VPS13C: variants seen among roughly 807,000 people sequenced by gnomAD.
VPS13C encodes vacuolar protein sorting 13 homolog C.
Under a neutral mutation model 456.8 loss-of-function variants are expected in VPS13C, and 358 were observed. The ratio of observed to expected loss-of-function variants is 0.78; its 90% CI spans 0.72 to 0.86. The LOEUF is 0.86. VPS13C is among the 40% of genes least tolerant of loss of function. The pLI is 0.00. For missense variants in VPS13C, 4,818 were observed against 4,385.4 expected (o/e 1.10, Z -2.79); for synonymous variants, 1,578 against 1,486.7 (o/e 1.06, Z -1.41).
In VPS13C at chr15:61,959,396, T is replaced by A; in HGVS notation, c.4056+52A>T. 5 of 1,476,110 alleles carry A rather than the reference T, an allele frequency of 3.4e-6. No individual in the cohort carries two copies. The South Asian group carries it at 7.1e-5, about 21-fold the overall frequency. The allele number at this position is 1,476,110 out of a possible 1,614,324, so 91.4% of individuals were successfully genotyped here. ...TTCATTTGGATTTCTGCTAAAAGTC[T>A]TTGGAGTTTAAAATTTCAACAATGA... is the stretch of plus-strand genomic sequence containing the variant. On this transcript the variant is annotated intron_variant, in intron 36 of 84. Coordinates refer to ENST00000644861, the MANE Select transcript of VPS13C (RefSeq NM_020821.3).
intron 71 of VPS13C, 93 bp from the exon 72 acceptor site, chr15:61,881,047 T>C: frequency 3.0e-6 from 3 of 1,008,106 alleles, no homozygotes; most frequent in African/African-American, 1.7e-5. Context: ...GCCACAGTTA[T>C]ATCTTGTTCC....
At chr15:61,860,698 C>T (rs894488882) in intron 82 of VPS13C, among the ~76,000 whole-genome samples, 1 of 151,976 alleles carries the variant, frequency 6.6e-6, no homozygotes, top group Admixed American at 6.6e-5. Context: ...GAAAAATTGA[C>T]AAGACTAAAA....
chr15:61,881,544 A>G lies in VPS13C; in HGVS notation c.9776+19T>C, dbSNP rs751862770. 2.9e-5 allele frequency: 45 copies of G among 1,574,136 alleles called. 1 individual carries two copies. Among genetic ancestry groups the G allele is most frequent in the Admixed American group, 2.7e-4 (14 of 51,084 alleles). ...TCATTTTAAATTCTTTTAGAGAAAC[A>G]GCAGGAATCTTCACTTACTTGAACT... On this transcript the variant is annotated intron_variant, in intron 71 of 84. Transcript: ENST00000644861.
chr15:61,922,233 A>G (rs1367857066), intron 54 of VPS13C, among the ~76,000 whole-genome samples, 164 bp downstream of exon 54: 1 of 152,178 alleles, frequency 6.6e-6, no homozygotes, highest in East Asian at 1.9e-4. Context: ...ATCTTTAAAA[A>G]ATAATTATCA....
At chr15:61,949,354 CTAAA>C in intron 42 of VPS13C, 85 bp downstream of exon 42, 1 of 1,450,872 alleles carries the variant, frequency 6.9e-7, no homozygotes, top group Non-Finnish European at 9.4e-7. Flanking sequence ...TGTCAACATG[CTAAA>C]TATTCATCTT....
At chr15:61,937,110 A>AGAAG (rs745854403) in intron 47 of VPS13C, among the ~76,000 whole-genome samples, 331 of 152,184 alleles carry the variant, frequency 2.2e-3, no homozygotes, top group Non-Finnish European at 3.9e-3. Context: ...CTTCTATATT[A>AGAAG]TTTACTCTCC....
At chr15:61,914,872 C>A (rs2043413374) in intron 61 of VPS13C, among the ~76,000 whole-genome samples, 1 of 88,408 alleles carries the variant, frequency 1.1e-5, no homozygotes, top group African/African-American at 5.5e-5. Context: ...GGCCAAAACT[C>A]TGCCTTAAAA....
intron 1 of VPS13C, among the ~76,000 whole-genome samples, chr15:62,046,230 C>T (rs1054977210): frequency 7.9e-5 from 12 of 151,984 alleles, no homozygotes; most frequent in African/African-American, 2.4e-4. Flanking sequence ...AAAAGTAAAA[C>T]CGAAAATAAG....
intron 16 of VPS13C, among the ~76,000 whole-genome samples, chr15:62,000,348 G>C (rs577648490): frequency 6.6e-6 from 1 of 152,204 alleles, no homozygotes; most frequent in East Asian, 1.9e-4. Flanking sequence ...CCGGGAGACA[G>C]AGCAAGACTC....
At position 62,028,367 on chromosome 15, in the gene VPS13C, T is replaced by C; in HGVS notation, c.439A>G (p.Ile147Val). The change falls in exon 6 of 85, where the codon ATC becomes GTC. Residue 147 changes from isoleucine to valine, a missense_variant. Around this residue, in one of 3 missense-constraint regions of VPS13C, gnomAD observed 4,552 missense variants for 4,130.6 expected, o/e 1.10. Coordinates refer to ENST00000644861, the MANE Select transcript of VPS13C (RefSeq NM_020821.3). Reference protein sequence around the residue: ...YGLENFVYKDIKPGRKRKKHK... With the variant: ...YGLENFVYKDVKPGRKRKKHK... ...AACCATGCATACCCACCAGGCTTGATGTCCTTGTAAACAAAGTTCTCCAAG... is the reference window on the plus strand; with the variant it reads ...AACCATGCATACCCACCAGGCTTGACGTCCTTGTAAACAAAGTTCTCCAAG... 1.2e-6 allele frequency: 2 copies of C among 1,613,002 alleles called. No individual in the cohort carries two copies. The highest frequency in any genetic ancestry group is 1.1e-5 in the South Asian group (1 of 91,028).
intron 66 of VPS13C, among the ~76,000 whole-genome samples, chr15:61,902,193 A>C (rs890001530): frequency 6.6e-6 from 1 of 151,602 alleles, no homozygotes; most frequent in African/African-American, 2.4e-5. Context: ...GCGCACCAGC[A>C]TGGCACATGT....
At chr15:61,994,639 G>A (rs2140432796) in intron 16 of VPS13C, among the ~76,000 whole-genome samples, 1 of 151,560 alleles carries the variant, frequency 6.6e-6, no homozygotes, top group Admixed American at 6.6e-5. Flanking sequence ...ACCCAGGCTG[G>A]AGTGCAATGG....
At chr15:62,000,734 C>T (rs1162385930) in intron 15 of VPS13C, 108 bp from the exon 16 acceptor site, 23 of 776,172 alleles carry the variant, frequency 3.0e-5, no homozygotes, top group Non-Finnish European at 4.3e-5. Flanking sequence ...TACCTGTGAC[C>T]TAATGAAAGT....
intron 3 of VPS13C, 116 bp from the exon 4 acceptor site, chr15:62,035,168 T>A: frequency 1.9e-6 from 1 of 514,648 alleles, no homozygotes; most frequent in Non-Finnish European, 3.3e-6. Context: ...TGTACATCAC[T>A]CAGAAAAAAT....
intron 15 of VPS13C, among the ~76,000 whole-genome samples, chr15:62,004,132 T>C (rs1256826453): frequency 6.6e-6 from 1 of 151,928 alleles, no homozygotes; most frequent in African/African-American, 2.4e-5. Context: ...AGAATTCGGC[T>C]GTGAATCCAT....
intron 75 of VPS13C, among the ~76,000 whole-genome samples, 174 bp downstream of exon 75, chr15:61,876,798 TA>T (rs1895456152): frequency 6.6e-6 from 1 of 151,980 alleles, no homozygotes; most frequent in African/African-American, 2.4e-5. Context: ...AAAAGGTGTA[TA>T]AAGAGGGGTT....
chr15:61,923,861 CTTTTT>C lies in VPS13C; in HGVS notation c.6610-1104_6610-1100del, dbSNP rs1188960583. On this transcript the variant is annotated intron_variant, in intron 53 of 84. Transcript: ENST00000644861. Reference sequence around the variant, plus strand: ...GCCATATGTGACCACCCCTCTAAATCTTTTTTTTTTTTTTTTTTTTTTGAGACGGA... The same window carrying C: ...GCCATATGTGACCACCCCTCTAAATCTTTTTTTTTTTTTTTTTGAGACGGA... Among the ~76,000 whole-genome samples, 33 of 75,140 alleles carry C rather than the reference CTTTTT, an allele frequency of 4.4e-4. No homozygotes were observed. The East Asian group carries it at 0.01, about 23-fold the overall frequency. 49.3% of individuals were successfully genotyped at this position (75,140 alleles called of 152,430 possible).
At chr15:62,028,458 C>T in intron 5 of VPS13C, 38 bp from the exon 6 acceptor site, 1 of 1,596,868 alleles carries the variant, frequency 6.3e-7, no homozygotes, top group Non-Finnish European at 8.6e-7. Flanking sequence ...AAATGCAAAG[C>T]AATTTAAAGA....
chr15:61,919,715 C>T (rs1414765171), intron 57 of VPS13C, among the ~76,000 whole-genome samples: 2 of 151,122 alleles, frequency 1.3e-5, no homozygotes, highest in Non-Finnish European at 1.5e-5. Context: ...TAGCAACAAT[C>T]TTTTTCTTTG....
Sources: allele counts gnomAD v4.1 joint callset (sites outside exome capture counted in the v4.1 genomes callset), GRCh38; gene constraint gnomAD v4.1.1; regional missense constraint gnomAD v4.1.1; transcripts MANE v1.5; gene names NCBI Gene and HGNC (gene_info 2026-07-23, HGNC 2026-07-21).